FRMPD4: variants seen among roughly 807,000 people sequenced by gnomAD.
FRMPD4 encodes the protein FERM and PDZ domain containing 4.
FRMPD4 carries 22 observed loss-of-function variants against 94.1 expected under a neutral mutation model. The ratio of observed to expected loss-of-function variants is 0.23; its 90% CI spans 0.17 to 0.33. The LOEUF is 0.33. Ranked by LOEUF, FRMPD4 falls within the 10% of genes least tolerant of loss-of-function variation. FRMPD4 has a pLI of 1.00. For synonymous variants in FRMPD4, 631 were observed against 548.6 expected (o/e 1.15, Z -2.10); for missense variants, 1,111 against 1,339.9 (o/e 0.83, Z 2.67).
At chrX:12,179,716 A>T (rs780164119) in intron 1 of FRMPD4, among the ~76,000 whole-genome samples, 1 of 111,614 alleles carries the variant, frequency 9.0e-6, no homozygotes, top group South Asian at 3.8e-4. Flanking sequence ...CTAGGTTAAC[A>T]AATCAGCTTT....
intron 1 of FRMPD4, among the ~76,000 whole-genome samples, chrX:11,837,030 T>C (rs1393144310): frequency 8.9e-6 from 1 of 111,762 alleles, no homozygotes; most frequent in Non-Finnish European, 1.9e-5. Context: ...GTTTTCTTAT[T>C]GTCCTACTCA....
intron 1 of FRMPD4, among the ~76,000 whole-genome samples, chrX:12,213,521 C>T (rs1487788586): frequency 8.9e-6 from 1 of 111,938 alleles, no homozygotes; most frequent in African/African-American, 3.2e-5. Flanking sequence ...GCATTAATAT[C>T]CTGAGAGCAC....
At chrX:12,459,462 G>A (rs1045722548) in intron 1 of FRMPD4, among the ~76,000 whole-genome samples, 7 of 111,052 alleles carry the variant, frequency 6.3e-5, no homozygotes, top group Non-Finnish European at 1.1e-4. Context: ...AGTCCCTTAC[G>A]GTCAATCTGC....
intron 1 of FRMPD4, among the ~76,000 whole-genome samples, chrX:12,483,413 G>C (rs2057708818): frequency 8.9e-6 from 1 of 111,794 alleles, no homozygotes; most frequent in African/African-American, 3.2e-5. Context: ...ATGGAGAAAG[G>C]GAGACAACAA....
At chrX:12,386,855 G>T (rs1475774170) in intron 1 of FRMPD4, among the ~76,000 whole-genome samples, 1 of 111,275 alleles carries the variant, frequency 9.0e-6, no homozygotes, top group East Asian at 2.8e-4. Context: ...GCCTTATGGG[G>T]CGGGGTGGGG....
intron 3 of FRMPD4, among the ~76,000 whole-genome samples, chrX:12,039,216 TA>T (rs200287388): frequency 1.9e-5 from 2 of 106,439 alleles, no homozygotes; most frequent in African/African-American, 3.4e-5. Context: ...TTTATTTATT[TA>T]TTTTTATTTT....
intron 1 of FRMPD4, among the ~76,000 whole-genome samples, chrX:12,234,343 G>A (rs1410688990): frequency 8.9e-6 from 1 of 111,986 alleles, no homozygotes; most frequent in Non-Finnish European, 1.9e-5. Context: ...GAAGGGAGTG[G>A]GAGCACTGTG....
chrX:12,608,308 T>C (rs930418010), intron 2 of FRMPD4, among the ~76,000 whole-genome samples: 3 of 112,898 alleles, frequency 2.7e-5, no homozygotes, highest in Non-Finnish European at 5.6e-5. Flanking sequence ...AGTTTTCTTA[T>C]TGGTAAAATC....
chrX:11,942,276 T>G (rs1396929368), intron 3 of FRMPD4, among the ~76,000 whole-genome samples: 1 of 104,535 alleles, frequency 9.6e-6, no homozygotes, highest in Admixed American at 1.0e-4. Flanking sequence ...CTATGTTGTA[T>G]GTTGCCCAGG....
Position 12,720,772 on chromosome X carries a change from G to C in FRMPD4, c.4203G>C (p.Leu1401=). 2.9e-6 allele frequency: 3 copies of C among 1,046,023 alleles called. No individual in the cohort carries two copies. The highest frequency in any genetic ancestry group is 3.7e-6 in the Non-Finnish European group (3 of 817,913). The allele number at this position is 1,046,023 out of a possible 1,213,427, so 86.2% of individuals were successfully genotyped here. A position where few individuals can be genotyped will look rare whatever the true frequency, so the allele number is the denominator to read the frequency against. The change falls in exon 17 of 17, where the codon CTG becomes CTC. Residue 1401 remains leucine (L), a synonymous_variant. Coordinates refer to ENST00000675598, the MANE Select transcript of FRMPD4 (RefSeq NM_001368397.1). Reference sequence around the variant, plus strand: ...GGACACCTCCCAGCCAGAAGGCTCTGAGACATAGCAGCAGTATCCTCTCCG... The same window carrying C: ...GGACACCTCCCAGCCAGAAGGCTCTCAGACATAGCAGCAGTATCCTCTCCG... ...SLRTPPSQKA[L]RHSSSILSGS... is the part of the protein sequence containing the mutation.
intron 14 of FRMPD4, among the ~76,000 whole-genome samples, chrX:12,715,258 G>T (rs752532318): frequency 1.8e-5 from 2 of 111,881 alleles, no homozygotes; most frequent in Admixed American, 9.5e-5. Flanking sequence ...ATTTAAATTG[G>T]GGTTTTGTAA....
At chrX:11,952,897 C>T (rs2054233106) in intron 3 of FRMPD4, among the ~76,000 whole-genome samples, 1 of 111,795 alleles carries the variant, frequency 8.9e-6, no homozygotes, top group African/African-American at 3.3e-5. Context: ...CCCCCAAAAT[C>T]AGGAACACTG....
intron 1 of FRMPD4, among the ~76,000 whole-genome samples, chrX:12,207,356 G>A (rs921263400): frequency 4.5e-5 from 5 of 111,202 alleles, no homozygotes; most frequent in African/African-American, 1.6e-4. Context: ...ATAGAAAAAG[G>A]GAGAACTCTT....
At chrX:12,608,898 G>A (rs772442684) in intron 2 of FRMPD4, among the ~76,000 whole-genome samples, 2 of 111,600 alleles carry the variant, frequency 1.8e-5, no homozygotes, top group East Asian at 2.8e-4. Context: ...ACAACATGGG[G>A]CTTGGGGCGC....
intron 2 of FRMPD4, among the ~76,000 whole-genome samples, chrX:12,575,863 A>G (rs1037333308): frequency 8.9e-5 from 10 of 111,847 alleles, no homozygotes; most frequent in Non-Finnish European, 1.5e-4. Context: ...ACACAAGGAA[A>G]CAGACTCCCC....
At chrX:12,500,382 C>G (rs895206394) in intron 2 of FRMPD4, among the ~76,000 whole-genome samples, 7 of 111,765 alleles carry the variant, frequency 6.3e-5, no homozygotes, top group African/African-American at 2.3e-4. Context: ...CGCACCACCA[C>G]ATACAAGTGA....
chrX:11,984,030 A>T (rs755975756), intron 3 of FRMPD4, among the ~76,000 whole-genome samples: 1 of 111,857 alleles, frequency 8.9e-6, no homozygotes, highest in African/African-American at 3.2e-5. Context: ...TTAGGAAACA[A>T]AAAGAAGTTA....
In FRMPD4 at chrX:12,199,237, A is replaced by ATGTGTGTGTGTGTGTG. The variant is rs5901464; in HGVS notation, c.41+60243_41+60258dup. 3.2e-3 allele frequency among the ~76,000 whole-genome samples: 292 copies of ATGTGTGTGTGTGTGTG among 91,269 alleles called. 1 individual carries two copies. Among genetic ancestry groups the ATGTGTGTGTGTGTGTG allele is most frequent in the African/African-American group, 0.012 (284 of 24,072 alleles). 79.3% of individuals were successfully genotyped at this position (91,269 alleles called of 115,157 possible). The stretch of plus-strand genomic sequence containing the variant: ...GACAATTTAAATGTTAGAAAGGAAA[A>ATGTGTGTGTGTGTGTG]TGTGTGTGTGTGTGTGTGTGTGTGT... On this transcript the variant is annotated intron_variant, in intron 1 of 16. Transcript: ENST00000675598.
chrX:12,356,281 A>T (rs1193287822), intron 1 of FRMPD4, among the ~76,000 whole-genome samples: 1 of 112,364 alleles, frequency 8.9e-6, no homozygotes, highest in East Asian at 2.8e-4. Flanking sequence ...TCAAAGAAAT[A>T]TATTTTGGGG....
Sources: gnomAD v4.1 joint callset for allele counts (sites outside exome capture counted in the v4.1 genomes callset) on GRCh38, gnomAD v4.1.1 for gene constraint, MANE v1.5 for transcripts, NCBI Gene and HGNC (gene_info 2026-07-23, HGNC 2026-07-21) for gene names.